LARGE1: variants seen among roughly 807,000 people sequenced by gnomAD.
The protein encoded by LARGE1 is LARGE xylosyl- and glucuronyltransferase 1.
In LARGE1, 43 loss-of-function variants were observed where a neutral mutation model predicts 87.6. The observed-to-expected ratio is 0.49, with a 90% CI of 0.38 to 0.63. LARGE1 has a LOEUF of 0.63. Among genes scored for constraint, LARGE1 ranks in the 30% least tolerant of loss-of-function variants. LARGE1 has a pLI of 0.00. For synonymous variants in LARGE1, 434 were observed against 394.6 expected (o/e 1.10, Z -1.18); for missense variants, 802 against 1,000.2 (o/e 0.80, Z 2.67).
chr22:33,804,445 C>T (rs2086251145), intron 1 of LARGE1, among the ~76,000 whole-genome samples: 1 of 152,154 alleles, frequency 6.6e-6, no homozygotes, highest in South Asian at 2.1e-4. Flanking sequence ...TATTTGGCAC[C>T]TTCTGAATAC....
intron 1 of LARGE1, among the ~76,000 whole-genome samples, chr22:33,834,834 G>C (rs964256887): frequency 6.6e-6 from 1 of 152,144 alleles, no homozygotes; most frequent in Non-Finnish European, 1.5e-5. Flanking sequence ...AGAGAGCACT[G>C]CTCACTCCAT....
At chr22:33,569,008 A>G (rs1042711304) in intron 5 of LARGE1, among the ~76,000 whole-genome samples, 3 of 152,054 alleles carry the variant, frequency 2.0e-5, no homozygotes, top group African/African-American at 7.2e-5. Flanking sequence ...CCCAAACTAC[A>G]TTATCCTTCC....
At chr22:33,715,605 G>C (rs926194157) in intron 2 of LARGE1, among the ~76,000 whole-genome samples, 1 of 152,174 alleles carries the variant, frequency 6.6e-6, no homozygotes, top group African/African-American at 2.4e-5. Context: ...CTGGAGGGCT[G>C]GGTTAAATGT....
chr22:33,529,898 C>A (rs768975863), intron 6 of LARGE1, among the ~76,000 whole-genome samples: 26 of 152,184 alleles, frequency 1.7e-4, no homozygotes, highest in Non-Finnish European at 3.1e-4. Context: ...CACCAGCTAA[C>A]AGAACCATGT....
chr22:33,820,311 T>C (rs982096805), intron 1 of LARGE1, among the ~76,000 whole-genome samples: 1 of 152,158 alleles, frequency 6.6e-6, no homozygotes, highest in Admixed American at 6.6e-5. Flanking sequence ...ATAACTTCTA[T>C]TCTCATTTTA....
chr22:33,292,161 C>T (rs1236818796), intron 12 of LARGE1, among the ~76,000 whole-genome samples: 2 of 152,030 alleles, frequency 1.3e-5, no homozygotes, highest in African/African-American at 4.8e-5. Flanking sequence ...AGCAGCCCTC[C>T]CAGACAACGA....
At chr22:33,861,280 A>G (rs1436738057) in intron 1 of LARGE1, among the ~76,000 whole-genome samples, 1 of 152,116 alleles carries the variant, frequency 6.6e-6, no homozygotes, top group Non-Finnish European at 1.5e-5. Context: ...GGCCGAGTAC[A>G]GCCACCACCT....
At chr22:33,412,489 C>T (rs2066339172) in intron 7 of LARGE1, among the ~76,000 whole-genome samples, 1 of 152,110 alleles carries the variant, frequency 6.6e-6, no homozygotes, top group Non-Finnish European at 1.5e-5. Flanking sequence ...CACGACCCCA[C>T]TGCATGGCAT....
At chr22:33,224,807 G>T (rs1925650547) in intron 11 of LARGE1, among the ~76,000 whole-genome samples, 1 of 152,254 alleles carries the variant, frequency 6.6e-6, no homozygotes, top group Admixed American at 6.5e-5. Flanking sequence ...GCAGGACACA[G>T]GCTCACAGGA....
intron 1 of LARGE1, among the ~76,000 whole-genome samples, chr22:33,907,879 A>G (rs1464088650): frequency 6.6e-6 from 1 of 152,070 alleles, no homozygotes; most frequent in Non-Finnish European, 1.5e-5. Flanking sequence ...TTCCAGGCGT[A>G]AGCCACCGTG....
chr22:33,720,813 G>T (rs1260614743), intron 2 of LARGE1, among the ~76,000 whole-genome samples: 1 of 152,166 alleles, frequency 6.6e-6, no homozygotes, highest in Non-Finnish European at 1.5e-5. Flanking sequence ...GGAGTGTAGT[G>T]GCTGGTCTGC....
At chr22:33,341,680 G>A (rs1358253780) in intron 9 of LARGE1, among the ~76,000 whole-genome samples, 1 of 152,190 alleles carries the variant, frequency 6.6e-6, no homozygotes, top group African/African-American at 2.4e-5. Context: ...GCCAGAGTAA[G>A]AACTATGAAC....
chr22:33,404,681 G>A (rs953689742), intron 7 of LARGE1, among the ~76,000 whole-genome samples: 2 of 152,226 alleles, frequency 1.3e-5, no homozygotes, highest in Admixed American at 1.3e-4. Flanking sequence ...GCTTTCTCGT[G>A]TCAATCGTTT....
intron 10 of LARGE1, among the ~76,000 whole-genome samples, chr22:33,324,495 A>G (rs1390898993): frequency 6.6e-6 from 1 of 152,148 alleles, no homozygotes; most frequent in Non-Finnish European, 1.5e-5. Flanking sequence ...CAGAAACAAA[A>G]GACAGATTTC....
At chr22:33,304,542 G>A (rs1047311470) in intron 11 of LARGE1, 35 bp from the exon 12 acceptor site, 29 of 1,536,482 alleles carry the variant, frequency 1.9e-5, no homozygotes, top group Non-Finnish European at 2.5e-5. Context: ...CGCGGGACCT[G>A]GGCCATCCAT....
At chr22:33,465,195 G>A (rs2068556399) in intron 6 of LARGE1, among the ~76,000 whole-genome samples, 1 of 152,224 alleles carries the variant, frequency 6.6e-6, no homozygotes, top group Non-Finnish European at 1.5e-5. Flanking sequence ...AAAGAAGCAA[G>A]TCACAGAAGT....
chr22:33,571,986 T>A (rs1003149065), intron 5 of LARGE1, among the ~76,000 whole-genome samples: 3 of 152,200 alleles, frequency 2.0e-5, no homozygotes, highest in Non-Finnish European at 4.4e-5. Flanking sequence ...GAGCTGGGCA[T>A]TCCTGGCTTC....
At chr22:33,079,590 G>A in the LARGE1 span, among the ~76,000 whole-genome samples, 1 of 151,976 alleles carries the variant, frequency 6.6e-6, no homozygotes, top group Non-Finnish European at 1.5e-5. Context: ...ACTCCTCACT[G>A]CTATGTTACT....
In LARGE1 at chr22:33,234,365, A is replaced by T. The variant is rs1926149791; in HGVS notation, c.1731-67533T>A. Among the ~76,000 whole-genome samples, 11 of 152,294 alleles carry T rather than the reference A, an allele frequency of 7.2e-5. 1 individual carries two copies. In the South Asian group the frequency reaches 2.3e-3, roughly 32 times the overall value. ...ACAATCCTACCTGTCATGTGTCTGG[A>T]AGGAAGGAACAATCCTACCTGTCAT... On this transcript the variant is annotated intron_variant, in intron 11 of 11. Transcript: ENST00000608642.
Sources: allele counts gnomAD v4.1 joint callset (sites outside exome capture counted in the v4.1 genomes callset), GRCh38; gene constraint gnomAD v4.1.1; transcripts MANE v1.5; gene names NCBI Gene and HGNC (gene_info 2026-07-23, HGNC 2026-07-21).